The following LINGO2 variants were observed in gnomAD, a reference collection of about 807,000 sequenced individuals.
LINGO2 encodes leucine-rich repeat and immunoglobulin-like domain-containing nogo receptor-interacting protein 2.
A neutral mutation model predicts 30.6 loss-of-function variants in LINGO2; 14 were observed. The ratio of observed to expected loss-of-function variants is 0.46; its 90% CI spans 0.30 to 0.72. The LOEUF (loss-of-function observed/expected upper bound fraction) is 0.72, where lower values mean the gene tolerates loss of function less well. Among genes scored for constraint, LINGO2 ranks in the 30% least tolerant of loss-of-function variants. The pLI is 0.07. For missense variants in LINGO2, 729 were observed against 751.7 expected (o/e 0.97, Z 0.35); for synonymous variants, 317 against 288.5 (o/e 1.10, Z -1.00).
At chr9:28,275,155 G>A (rs1402764369) in intron 4 of LINGO2, among the ~76,000 whole-genome samples, 7 of 151,906 alleles carry the variant, frequency 4.6e-5, no homozygotes, top group African/African-American at 1.2e-4. Context: ...TGCAAGCTCC[G>A]TCTCCTGGGT....
chr9:28,572,062 C>G lies in LINGO2; in HGVS notation c.-364-96037G>C, dbSNP rs566150938. ...TATGAATGATAGACTGACTCTACAC[C>G]GTGCTGTCACCTGGATATAAACTCT... is the stretch of plus-strand genomic sequence containing the variant. On this transcript the variant is annotated intron_variant, in intron 1 of 5. Transcript: ENST00000379992. Among the ~76,000 whole-genome samples, 8 of 152,116 alleles carry G rather than the reference C, an allele frequency of 5.3e-5. No individual in the cohort carries two copies. The South Asian group carries it at 1.7e-3, about 32-fold the overall frequency.
At chr9:27,981,570 GA>G (rs147823149) in intron 5 of LINGO2, among the ~76,000 whole-genome samples, 17 of 101,502 alleles carry the variant, frequency 1.7e-4, no homozygotes, top group South Asian at 6.6e-4. Flanking sequence ...GAAAAAAAAA[GA>G]AAAAAAAAAG....
chr9:27,983,638 C>T (rs1436159134), intron 5 of LINGO2, among the ~76,000 whole-genome samples: 3 of 151,764 alleles, frequency 2.0e-5, no homozygotes, highest in Non-Finnish European at 4.4e-5. Flanking sequence ...TAAAAGAAAG[C>T]AAATAAAGAA....
chr9:28,873,033 C>T, the LINGO2 span, among the ~76,000 whole-genome samples: 1 of 152,036 alleles, frequency 6.6e-6, no homozygotes, highest in African/African-American at 2.4e-5. Flanking sequence ...ATTAGATAAT[C>T]TTTTGTTTAC....
chr9:29,211,557 C>CCTTCTCTTCTCTTCT, the LINGO2 span, among the ~76,000 whole-genome samples: 36 of 150,870 alleles, frequency 2.4e-4, no homozygotes, highest in African/African-American at 8.1e-4. Context: ...TCCTTCTCAT[C>CCTTCTCTTCTCTTCT]CTTCTCTTCT....
At chr9:28,299,258 GTCTAAGTCACTCA>G (rs1824045140) in intron 3 of LINGO2, among the ~76,000 whole-genome samples, 1 of 152,090 alleles carries the variant, frequency 6.6e-6, no homozygotes, top group Non-Finnish European at 1.5e-5. Flanking sequence ...GAAGCTTTGT[GTCTAAGTCACTCA>G]TTTTCCCATA....
the LINGO2 span, among the ~76,000 whole-genome samples, chr9:28,942,602 G>A: frequency 6.6e-6 from 1 of 152,110 alleles, no homozygotes; most frequent in Non-Finnish European, 1.5e-5. Flanking sequence ...GCTGAAGTAC[G>A]ATGCCCAGGA....
chr9:28,054,505 T>A (rs1824827023), intron 4 of LINGO2, among the ~76,000 whole-genome samples: 1 of 152,142 alleles, frequency 6.6e-6, no homozygotes, highest in Non-Finnish European at 1.5e-5. Flanking sequence ...ATATTAGGTA[T>A]ATTAAGAAAT....
At chr9:29,023,012 G>C in the LINGO2 span, among the ~76,000 whole-genome samples, 2 of 150,790 alleles carry the variant, frequency 1.3e-5, no homozygotes, top group East Asian at 2.0e-4. Context: ...ATTATGAAAT[G>C]CCTCATTTTT....
chr9:28,944,852 A>T, the LINGO2 span, among the ~76,000 whole-genome samples: 389 of 152,250 alleles, frequency 2.6e-3, 1 homozygote, highest in African/African-American at 8.7e-3. Flanking sequence ...AATGTTTTTT[A>T]CCTGTGTGCA....
chr9:28,420,928 T>A (rs772811238), intron 2 of LINGO2, among the ~76,000 whole-genome samples: 1 of 152,036 alleles, frequency 6.6e-6, no homozygotes, highest in Non-Finnish European at 1.5e-5. Flanking sequence ...AAACGAATGC[T>A]GAAAAAATAC....
chr9:28,414,609 A>G (rs1389081062), intron 2 of LINGO2, among the ~76,000 whole-genome samples: 1 of 152,138 alleles, frequency 6.6e-6, no homozygotes, highest in African/African-American at 2.4e-5. Context: ...GAGTCCCCGA[A>G]ACTAATAACA....
chr9:28,759,570 T>A, the LINGO2 span, among the ~76,000 whole-genome samples: 33 of 151,776 alleles, frequency 2.2e-4, no homozygotes, highest in African/African-American at 6.3e-4. Context: ...CAGTCCCAGC[T>A]ACTCGGGAGG....
intron 4 of LINGO2, among the ~76,000 whole-genome samples, chr9:28,128,755 C>A (rs1827305277): frequency 1.3e-5 from 2 of 152,178 alleles, no homozygotes; most frequent in Admixed American, 1.3e-4. Flanking sequence ...GATAACAGAG[C>A]TGCCTTTGTT....
chr9:28,153,133 G>C (rs529275140), intron 4 of LINGO2, among the ~76,000 whole-genome samples: 13 of 152,204 alleles, frequency 8.5e-5, no homozygotes, highest in African/African-American at 2.9e-4. Flanking sequence ...TGTTGTTCCT[G>C]GGAGTGTAAA....
At chr9:28,563,206 T>A (rs1823194448) in intron 1 of LINGO2, among the ~76,000 whole-genome samples, 1 of 152,110 alleles carries the variant, frequency 6.6e-6, no homozygotes, top group South Asian at 2.1e-4. Flanking sequence ...TGAGGTTAAA[T>A]ATTTTGATCA....
At chr9:28,665,751 G>T (rs1268918477) in intron 1 of LINGO2, among the ~76,000 whole-genome samples, 8 of 152,050 alleles carry the variant, frequency 5.3e-5, no homozygotes, top group Non-Finnish European at 1.0e-4. Context: ...CTATGCAGAT[G>T]AATGAAAATG....
At chr9:29,128,240 C>A in the LINGO2 span, among the ~76,000 whole-genome samples, 1 of 152,112 alleles carries the variant, frequency 6.6e-6, no homozygotes, top group Non-Finnish European at 1.5e-5. Context: ...GGTGATCCAA[C>A]TCCAGACCTT....
the LINGO2 span, among the ~76,000 whole-genome samples, chr9:29,084,077 G>T: frequency 2.6e-5 from 4 of 150,966 alleles, no homozygotes; most frequent in Non-Finnish European, 5.9e-5. Context: ...TACTAAAACT[G>T]TATAAGTAAT....
Sources: allele counts gnomAD v4.1 joint callset (sites outside exome capture counted in the v4.1 genomes callset), GRCh38; gene constraint gnomAD v4.1.1; transcripts MANE v1.5; gene names NCBI Gene and HGNC (gene_info 2026-07-23, HGNC 2026-07-21).